ADGRV1: variants seen among roughly 807,000 people sequenced by gnomAD.
ADGRV1 encodes the protein G-protein coupled receptor 98.
A neutral mutation model predicts 596.2 loss-of-function variants in ADGRV1; 359 were observed. The observed-to-expected ratio is 0.60, with a 90% CI of 0.55 to 0.66. ADGRV1 has a LOEUF of 0.66. Ranked by LOEUF, ADGRV1 falls within the 30% of genes least tolerant of loss-of-function variation. The pLI is 0.00. For synonymous variants in ADGRV1, 2,681 were observed against 2,679.2 expected (o/e 1.00, Z -0.02); for missense variants, 7,274 against 7,575.6 (o/e 0.96, Z 1.48).
At chr5:90,940,708 T>A (rs1272944060) in intron 83 of ADGRV1, among the ~76,000 whole-genome samples, 3 of 152,160 alleles carry the variant, frequency 2.0e-5, no homozygotes, top group Non-Finnish European at 2.9e-5. Flanking sequence ...AGAGAAAGGA[T>A]GCTGCAAAGG....
rs918141815 is a variant in ADGRV1, at chr5:90,653,879, A to T, written c.4305A>T (p.Ile1435=). 1 of 1,600,176 alleles carries T rather than the reference A, an allele frequency of 6.2e-7. No individual in the cohort carries two copies. The highest frequency in any genetic ancestry group is 8.5e-7 in the Non-Finnish European group (1 of 1,172,752). ...TACTAATTATCCTGGAGGATGGTATAATCGAATTCTACCTGGATGGAAATG... is the reference window on the plus strand; with the variant it reads ...TACTAATTATCCTGGAGGATGGTATTATCGAATTCTACCTGGATGGAAATG... ...LHLLIILEDG[I]IEFYLDGNAM... is the part of the protein sequence containing the mutation. The change falls in exon 20 of 90, where the codon ATA becomes ATT. Residue 1435 remains isoleucine, a synonymous_variant. Coordinates refer to ENST00000405460, the MANE Select transcript of ADGRV1 (RefSeq NM_032119.4).
chr5:90,837,919 A>G (rs1488591531), intron 77 of ADGRV1, among the ~76,000 whole-genome samples: 1 of 152,066 alleles, frequency 6.6e-6, no homozygotes, highest in Non-Finnish European at 1.5e-5. Flanking sequence ...GATAATTTAT[A>G]TCTTGAATTT....
At chr5:90,914,688 T>A (rs940339526) in intron 83 of ADGRV1, among the ~76,000 whole-genome samples, 1 of 152,170 alleles carries the variant, frequency 6.6e-6, no homozygotes, top group Admixed American at 6.5e-5. Flanking sequence ...AGCTGCTAGA[T>A]CCTTTCCATT....
rs559638690 is a variant in ADGRV1, at chr5:90,779,049, G to A, written c.13034G>A (p.Gly4345Asp). The A allele has an allele frequency of 6.8e-6, 11 of 1,613,126 alleles. No homozygotes were observed. The South Asian group carries it at 1.1e-4, about 16-fold the overall frequency. ...ATCCTTGATGATGACTATCCTGAAG[G>A]CCCAGAGGAATTTTCTCTAACAATT... ...VEILDDDYPE[G>D]PEEFSLTITK... is the part of the protein sequence containing the mutation. Residue 4345 changes from glycine (G) to aspartate (D), a missense_variant, in exon 64 of 90, where the codon GGC becomes GAC. Gly to Asp is a moderately conservative substitution (Grantham distance 94). Coordinates refer to ENST00000405460, the MANE Select transcript of ADGRV1 (RefSeq NM_032119.4).
intron 84 of ADGRV1, among the ~76,000 whole-genome samples, chr5:90,981,968 A>AAAT (rs372926135): frequency 0.5 from 75,710 of 151,580 alleles, 20,474 homozygotes; most frequent in African/African-American, 0.71. Flanking sequence ...AAACCTGGAT[A>AAAT]AATTACTTAC....
intron 59 of ADGRV1, among the ~76,000 whole-genome samples, chr5:90,765,358 A>G (rs1165357130): frequency 6.6e-6 from 1 of 150,920 alleles, no homozygotes; most frequent in Non-Finnish European, 1.5e-5. Flanking sequence ...TTGTAAATTC[A>G]TGTGATAATA....
rs780481527 is a variant in ADGRV1 at position 90,823,460 on chromosome 5, C to T, written c.16232C>T (p.Thr5411Ile). The T allele has an allele frequency of 1.9e-6, 3 of 1,613,756 alleles. No homozygotes were observed. Among genetic ancestry groups the T allele is most frequent in the Admixed American group, 1.7e-5 (1 of 59,982 alleles). The change falls in exon 76 of 90, where the codon ACA becomes ATA. Residue 5411 changes from threonine (T) to isoleucine (I), a missense_variant. Physicochemically the swap from Thr to Ile is moderately conservative, Grantham distance 89. Around this residue, in one of 5 missense-constraint regions of ADGRV1, gnomAD observed 1,874 missense variants for 1,970.2 expected, o/e 0.95. Transcript: ENST00000405460. The stretch of plus-strand genomic sequence containing the variant: ...GATGTCAAGGTCTTTTGGCGAGTCA[C>T]ACTTAACAAAACAGTCGTCGTGCTC... ...FEDVKVFWRV[T>I]LNKTVVVLQK...
At chr5:90,870,721 C>T (rs1768587114) in intron 83 of ADGRV1, among the ~76,000 whole-genome samples, 1 of 152,166 alleles carries the variant, frequency 6.6e-6, no homozygotes, top group South Asian at 2.1e-4. Context: ...GGGAACAATT[C>T]TGGTGGCTCT....
chr5:90,579,781 C>T (rs149935359), intron 1 of ADGRV1, among the ~76,000 whole-genome samples: 2,973 of 152,118 alleles, frequency 0.02, 82 homozygotes, highest in African/African-American at 0.065. Context: ...TTTATGAATC[C>T]GGGTGCTCCT....
Position 90,728,773 on chromosome 5 carries a change from C to G in ADGRV1, c.10266C>G (p.Ala3422=), listed in dbSNP as rs775781882. Residue 3422 remains alanine (A), a synonymous_variant, in exon 49 of 90, where the codon GCC becomes GCG. Transcript: ENST00000405460. ...ACAAGGGAGGCTCTGTGTTCTTAGC[C>G]ATTTCCCAGGCTAATGCCAGGCTAA... The part of the protein sequence containing the change: ...LFNKGGSVFL[A]ISQANARLNS... The G allele has an allele frequency of 6.2e-6, 10 of 1,613,854 alleles. No individual in the cohort carries two copies. The highest frequency in any genetic ancestry group is 5.0e-5 in the Admixed American group (3 of 60,000).
intron 70 of ADGRV1, among the ~76,000 whole-genome samples, chr5:90,793,944 G>A (rs868223072): frequency 2.6e-5 from 4 of 152,166 alleles, no homozygotes; most frequent in Non-Finnish European, 4.4e-5. Flanking sequence ...GTGTTGGTGA[G>A]TTAGTCTTCC....
At chr5:90,779,348 G>C (rs187183826) in intron 64 of ADGRV1, 1 of 239,530 alleles carries the variant, frequency 4.2e-6, no homozygotes, top group East Asian at 7.6e-5. Context: ...ACTCACTCTG[G>C]GTAGCCAGGA....
At chr5:90,978,522 G>C (rs1322649763) in intron 84 of ADGRV1, among the ~76,000 whole-genome samples, 1 of 151,946 alleles carries the variant, frequency 6.6e-6, no homozygotes, top group Non-Finnish European at 1.5e-5. Context: ...TAGCACAACA[G>C]GGTGATTGTG....
chr5:90,989,596 T>C (rs1235028011), intron 85 of ADGRV1, among the ~76,000 whole-genome samples: 2 of 152,194 alleles, frequency 1.3e-5, no homozygotes, highest in Non-Finnish European at 2.9e-5. Context: ...TTCTTCATTT[T>C]ATAATCTATC....
At chr5:90,691,069 C>G in intron 31 of ADGRV1, 28 bp downstream of exon 31, 1 of 1,612,954 alleles carries the variant, frequency 6.2e-7, no homozygotes, top group Non-Finnish European at 8.5e-7. Flanking sequence ...TATAGAATGA[C>G]ACTGTAAATC....
In ADGRV1 at chr5:90,745,162, G is replaced by A; in HGVS notation, c.10666G>A (p.Val3556Ile). Residue 3556 changes from valine to isoleucine, a missense_variant, in exon 51 of 90, where the codon GTA (valine) becomes ATA (isoleucine). This residue lies in a region of ADGRV1 where 3,643 missense variants were observed against 3,809.2 expected (regional missense o/e 0.96). Coordinates refer to ENST00000405460, the MANE Select transcript of ADGRV1 (RefSeq NM_032119.4). ...TGCTTATGATGTGGCTTCTGTTACAGTAAAGTCCCTTAATTCAAGCAAGAA... is the reference window on the plus strand; with the variant it reads ...TGCTTATGATGTGGCTTCTGTTACAATAAAGTCCCTTAATTCAAGCAAGAA... ...PSAYDVASVT[V>I]KSLNSSKNLI... The A allele has an allele frequency of 6.2e-7, 1 of 1,613,422 alleles. No homozygotes were observed. Among genetic ancestry groups the A allele is most frequent in the East Asian group, 2.2e-5 (1 of 44,848 alleles).
intron 83 of ADGRV1, among the ~76,000 whole-genome samples, chr5:90,952,155 C>T (rs1777113498): frequency 1.3e-5 from 2 of 152,120 alleles, no homozygotes; most frequent in Non-Finnish European, 2.9e-5. Context: ...CTTTTTAGTA[C>T]TGGTTGTCAC....
At chr5:91,088,302 A>G (rs1400935522) in intron 86 of ADGRV1, among the ~76,000 whole-genome samples, 1 of 152,116 alleles carries the variant, frequency 6.6e-6, no homozygotes, top group African/African-American at 2.4e-5. Context: ...TTTTCCCCCA[A>G]TGCCAGAGTA....
At chr5:90,765,031 T>G (rs1163666584) in intron 59 of ADGRV1, among the ~76,000 whole-genome samples, 2 of 152,104 alleles carry the variant, frequency 1.3e-5, no homozygotes, top group Non-Finnish European at 2.9e-5. Flanking sequence ...CTACTTTCCA[T>G]GGGGCTCCAA....
Sources: allele counts gnomAD v4.1 joint callset (sites outside exome capture counted in the v4.1 genomes callset), GRCh38; gene constraint gnomAD v4.1.1; regional missense constraint gnomAD v4.1.1; transcripts MANE v1.5; gene names NCBI Gene and HGNC (gene_info 2026-07-23, HGNC 2026-07-21).